Variants in PSD2 observed in about 807,000 individuals in gnomAD.
PSD2 encodes the protein PH and SEC7 domain-containing protein 2.
PSD2 carries 38 observed loss-of-function variants against 69.8 expected under a neutral mutation model. That is an observed-to-expected ratio of 0.54 (90% CI 0.42 to 0.71). PSD2 has a LOEUF of 0.71. PSD2 is among the 30% of genes least tolerant of loss of function. PSD2 has a pLI of 0.00. For synonymous variants in PSD2, 412 were observed against 423.0 expected, an observed-to-expected ratio of 0.97 and a Z score of 0.32; for missense variants, 943 against 1,014.5, an observed-to-expected ratio of 0.93 and a Z score of 0.96.
chr5:139,802,638 A>T (rs1350018711), intron 1 of PSD2, among the ~76,000 whole-genome samples: 3 of 152,050 alleles, frequency 2.0e-5, no homozygotes, highest in Non-Finnish European at 4.4e-5. Context: ...CTGATAACTG[A>T]GGGTTCACCC....
At chr5:139,800,923 G>A (rs958695710) in intron 1 of PSD2, among the ~76,000 whole-genome samples, 4 of 152,112 alleles carry the variant, frequency 2.6e-5, no homozygotes, top group Non-Finnish European at 5.9e-5. Context: ...AAATGGTTCT[G>A]GCTGGGCACG....
chr5:139,803,143 G>A (rs1382291248), intron 1 of PSD2, among the ~76,000 whole-genome samples: 1 of 152,262 alleles, frequency 6.6e-6, no homozygotes, highest in Non-Finnish European at 1.5e-5. Context: ...GCCTGGCCTT[G>A]GGTGAGGGTG....
chr5:139,750,612 G>A, the PSD2 span, among the ~76,000 whole-genome samples: 2 of 152,194 alleles, frequency 1.3e-5, no homozygotes, highest in Admixed American at 6.5e-5. Flanking sequence ...CACAAAGCTA[G>A]GTTTCCTCCT....
intron 5 of PSD2, among the ~76,000 whole-genome samples, chr5:139,818,551 A>G (rs1760181747): frequency 6.6e-6 from 1 of 152,182 alleles, no homozygotes; most frequent in African/African-American, 2.4e-5. Flanking sequence ...ATCTCAAAGA[A>G]ACAAACAAAC....
intron 7 of PSD2, among the ~76,000 whole-genome samples, chr5:139,829,201 GA>G (rs1487914600): frequency 6.6e-6 from 1 of 152,162 alleles, no homozygotes; most frequent in Non-Finnish European, 1.5e-5. Flanking sequence ...TTCGCCCTGA[GA>G]AAGATCAATT....
In PSD2 at chr5:139,837,682, G is replaced by A. The variant is rs113966838; in HGVS notation, c.1723G>A (p.Val575Met). ...GGGTGACCTGAAGAACGCCATTCGCGTGCATCACGCTCTGGCCACCAGGGC... is the reference window on the plus strand; with the variant it reads ...GGGTGACCTGAAGAACGCCATTCGCATGCATCACGCTCTGGCCACCAGGGC... Reference protein sequence around the residue: ...SEGDLKNAIRVHHALATRASD... With the variant: ...SEGDLKNAIRMHHALATRASD... Residue 575 changes from valine to methionine, a missense_variant, in exon 12 of 15, where the codon GTG (valine) becomes ATG (methionine). Transcript: ENST00000274710. The surrounding 1 kb of genome is among the most constrained non-coding windows in gnomAD (Gnocchi z 5.0). 5.8e-5 allele frequency: 94 copies of A among 1,613,956 alleles called. No individual in the cohort carries two copies. Among genetic ancestry groups the A allele is most frequent in the East Asian group, 8.9e-5 (4 of 44,892 alleles).
chr5:139,742,806 C>T, the PSD2 span, among the ~76,000 whole-genome samples: 335 of 152,272 alleles, frequency 2.2e-3, 11 homozygotes, highest in East Asian at 0.062. Context: ...GCGGGGGAGC[C>T]GGGCTCAGGG....
intron 5 of PSD2, among the ~76,000 whole-genome samples, chr5:139,818,956 C>G (rs1760190091): frequency 6.6e-6 from 1 of 152,128 alleles, no homozygotes; most frequent in African/African-American, 2.4e-5. Context: ...CCACCTTTCC[C>G]TCTCTTTTTT....
the PSD2 span, among the ~76,000 whole-genome samples, chr5:139,774,032 C>G: frequency 4.6e-5 from 7 of 152,150 alleles, no homozygotes; most frequent in Admixed American, 4.6e-4. Context: ...TACATCATAG[C>G]TCACTGCAGC....
intron 7 of PSD2, among the ~76,000 whole-genome samples, chr5:139,827,327 G>A (rs1760450884): frequency 3.9e-5 from 6 of 152,236 alleles, no homozygotes; most frequent in Admixed American, 3.9e-4. Flanking sequence ...TGCCCATGTG[G>A]CTGTGGTTAT....
upstream of PSD2, among the ~76,000 whole-genome samples, chr5:139,792,909 T>TC (rs1423389336): frequency 8.5e-4 from 122 of 143,616 alleles, no homozygotes; most frequent in African/African-American, 1.7e-3. Context: ...CTTCCTTCCT[T>TC]CTTTCTTTCT....
At chr5:139,762,675 C>A in the PSD2 span, among the ~76,000 whole-genome samples, 1 of 152,110 alleles carries the variant, frequency 6.6e-6, no homozygotes, top group African/African-American at 2.4e-5. Context: ...CCTTTTTTAG[C>A]GTGTCCAAGA....
upstream of PSD2, chr5:139,795,726 C>T (rs1341778106): frequency 6.6e-6 from 1 of 151,614 alleles, no homozygotes; most frequent in South Asian, 2.1e-4. This position sits in a 1 kb window ranked among gnomAD's most constrained non-coding sequence, Gnocchi z 4.5. Flanking sequence ...CTCGCGCGCC[C>T]GCAGTGCCCC....
chr5:139,759,682 C>T, the PSD2 span, among the ~76,000 whole-genome samples: 5 of 152,240 alleles, frequency 3.3e-5, no homozygotes, highest in East Asian at 9.6e-4. Context: ...ATACTAATTC[C>T]ACTACAAGAT....
intron 14 of PSD2, among the ~76,000 whole-genome samples, chr5:139,840,927 C>G (rs1193564200): frequency 6.6e-6 from 1 of 152,174 alleles, no homozygotes; most frequent in Non-Finnish European, 1.5e-5. Flanking sequence ...ACCATCTTCA[C>G]CATTTTTAAG....
chr5:139,745,162 G>A, the PSD2 span: 2 of 152,340 alleles, frequency 1.3e-5, no homozygotes, highest in Non-Finnish European at 2.9e-5. Context: ...TGGCACGCAA[G>A]TACTCACAGG....
intron 5 of PSD2, among the ~76,000 whole-genome samples, chr5:139,820,081 T>A (rs981585493): frequency 6.6e-6 from 1 of 152,020 alleles, no homozygotes; most frequent in Non-Finnish European, 1.5e-5. Flanking sequence ...TGTGAGAGGC[T>A]CCACAGAGGG....
intron 5 of PSD2, among the ~76,000 whole-genome samples, chr5:139,818,473 G>T (rs942245588): frequency 2.6e-5 from 4 of 152,164 alleles, no homozygotes; most frequent in African/African-American, 9.7e-5. Flanking sequence ...CTGAGCCTGG[G>T]AGGTTGAGGC....
At chr5:139,767,649 A>G in the PSD2 span, among the ~76,000 whole-genome samples, 1 of 152,146 alleles carries the variant, frequency 6.6e-6, no homozygotes, top group Non-Finnish European at 1.5e-5. Flanking sequence ...TTTCTTATTT[A>G]TAAAATGAGG....
Sources: gnomAD v4.1 joint callset for allele counts (sites outside exome capture counted in the v4.1 genomes callset) on GRCh38, gnomAD v4.1.1 for gene constraint, Gnocchi (gnomAD v3.1) non-coding constraint, MANE v1.5 for transcripts, NCBI Gene and HGNC (gene_info 2026-07-23, HGNC 2026-07-21) for gene names.